THSD7A: variants seen among roughly 807,000 people sequenced by gnomAD.
THSD7A encodes thrombospondin type-1 domain-containing protein 7A.
THSD7A carries 96 observed loss-of-function variants against 231.3 expected under a neutral mutation model. The ratio of observed to expected loss-of-function variants is 0.41; its 90% CI spans 0.35 to 0.49. The LOEUF (loss-of-function observed/expected upper bound fraction) is 0.49, where lower values mean the gene tolerates loss of function less well. THSD7A is among the 20% of genes least tolerant of loss of function. The pLI, the probability that THSD7A is intolerant of heterozygous loss-of-function variation, is 0.05. For missense variants in THSD7A, 2,290 were observed against 2,070.2 expected, an observed-to-expected ratio of 1.11 and a Z score of -2.06; for synonymous variants, 940 against 743.3, an observed-to-expected ratio of 1.26 and a Z score of -4.30.
At chr7:11,416,714 G>A (rs1783972062) in intron 17 of THSD7A, among the ~76,000 whole-genome samples, 1 of 152,150 alleles carries the variant, frequency 6.6e-6, no homozygotes, top group Non-Finnish European at 1.5e-5. Context: ...TTTTGATGCT[G>A]TTTTTGAAAT....
At chr7:11,402,520 C>G (rs1783441221) in intron 22 of THSD7A, among the ~76,000 whole-genome samples, 1 of 152,174 alleles carries the variant, frequency 6.6e-6, no homozygotes, top group Non-Finnish European at 1.5e-5. Flanking sequence ...TTCCTCTGAT[C>G]TACATCCTCA....
chr7:11,829,003 G>A (rs1428490433), intron 1 of THSD7A, among the ~76,000 whole-genome samples: 1 of 152,006 alleles, frequency 6.6e-6, no homozygotes, highest in Non-Finnish European at 1.5e-5. Flanking sequence ...TTAATGAATA[G>A]TAAATATATT....
intron 23 of THSD7A, among the ~76,000 whole-genome samples, chr7:11,395,645 A>G (rs574868017): frequency 8.7e-4 from 132 of 151,364 alleles, no homozygotes; most frequent in African/African-American, 3.0e-3. Flanking sequence ...CTCCTGCCTC[A>G]GCCTCCCGAG....
Position 11,411,357 on chromosome 7 carries a change from T to G in THSD7A, c.3683-35A>C. ...AGGGAAGCCCATCAGAACAGAAGGC[T>G]AAGTAAGAAACAGATTTCAAATGAA... On this transcript the variant is annotated intron_variant, in intron 18 of 27. Coordinates refer to ENST00000423059, the MANE Select transcript of THSD7A (RefSeq NM_015204.3). The surrounding 1 kb of genome is among the most constrained non-coding windows in gnomAD (Gnocchi z 4.1). 6.9e-7 allele frequency: 1 copy of G among 1,439,052 alleles called. No individual in the cohort carries two copies. The highest frequency in any genetic ancestry group is 1.8e-5 in the Admixed American group (1 of 54,920). The allele number at this position is 1,439,052 out of a possible 1,614,324, so 89.1% of individuals were successfully genotyped here.
chr7:11,431,249 G>C (rs1465784286), intron 13 of THSD7A, among the ~76,000 whole-genome samples: 1 of 152,132 alleles, frequency 6.6e-6, no homozygotes, highest in Non-Finnish European at 1.5e-5. Flanking sequence ...TAGTGCTTTG[G>C]TATTATATCT....
At chr7:11,499,548 C>A (rs1432838295) in intron 6 of THSD7A, among the ~76,000 whole-genome samples, 5 of 152,082 alleles carry the variant, frequency 3.3e-5, no homozygotes, top group Non-Finnish European at 5.9e-5. Context: ...GGATGGCAAA[C>A]CCCAATCCAA....
At chr7:11,727,242 T>C (rs111876390) in intron 1 of THSD7A, among the ~76,000 whole-genome samples, 3,537 of 152,060 alleles carry the variant, frequency 0.023, 128 homozygotes, top group African/African-American at 0.078. Context: ...TATTCAATTT[T>C]GACTCTCTTA....
chr7:11,641,923 C>T (rs2128363741), intron 1 of THSD7A, among the ~76,000 whole-genome samples: 1 of 152,156 alleles, frequency 6.6e-6, no homozygotes, highest in South Asian at 2.1e-4. Context: ...GGGCTGTCTA[C>T]TTCTTCCCTC....
intron 2 of THSD7A, among the ~76,000 whole-genome samples, chr7:11,599,979 G>A (rs1205075875): frequency 2.0e-5 from 3 of 152,034 alleles, no homozygotes; most frequent in Non-Finnish European, 4.4e-5. Context: ...TCTTTCTCCT[G>A]TGATGGATGC....
chr7:11,545,837 A>T (rs899879055), intron 4 of THSD7A, among the ~76,000 whole-genome samples: 17 of 152,174 alleles, frequency 1.1e-4, no homozygotes, highest in African/African-American at 4.1e-4. Flanking sequence ...GCATGGCCAA[A>T]GATGTCCTTC....
chr7:11,510,719 C>G lies in THSD7A; in HGVS notation c.1823-28737G>C, dbSNP rs1248630608. 3.3e-5 allele frequency among the ~76,000 whole-genome samples: 5 copies of G among 152,136 alleles called. No homozygotes were observed. The South Asian group carries it at 8.3e-4, about 25-fold the overall frequency. ...TGCAAAAAAGGCCTTCGACAAAATT[C>G]AACAGCCCTTCATGCTAAAAACTCT... On this transcript the variant is annotated intron_variant, in intron 6 of 27. Transcript: ENST00000423059.
intron 2 of THSD7A, among the ~76,000 whole-genome samples, chr7:11,608,565 C>T (rs1005078650): frequency 2.0e-5 from 3 of 152,004 alleles, no homozygotes; most frequent in Non-Finnish European, 4.4e-5. Flanking sequence ...ACCTGGAGGT[C>T]CCAGTGATTA....
intron 1 of THSD7A, among the ~76,000 whole-genome samples, chr7:11,786,748 G>A (rs1346389398): frequency 3.2e-5 from 4 of 125,430 alleles, no homozygotes; most frequent in Non-Finnish European, 4.8e-5. Context: ...CTAAAACTTA[G>A]AGTATAATAA....
chr7:11,516,023 A>G (rs1788017009), intron 6 of THSD7A, among the ~76,000 whole-genome samples: 1 of 152,210 alleles, frequency 6.6e-6, no homozygotes, highest in Non-Finnish European at 1.5e-5. Flanking sequence ...TAAATATGAG[A>G]ACTTTTGGTT....
chr7:11,769,153 A>ATATATATTTTTTTTTTTTTT, intron 1 of THSD7A, among the ~76,000 whole-genome samples: 2 of 27,662 alleles, frequency 7.2e-5, no homozygotes, highest in African/African-American at 1.2e-4. Flanking sequence ...ATATATATAT[A>ATATATATTTTTTTTTTTTTT]TTTTTTTTTT....
At chr7:11,501,467 C>A (rs1024191484) in intron 6 of THSD7A, among the ~76,000 whole-genome samples, 9 of 152,108 alleles carry the variant, frequency 5.9e-5, no homozygotes, top group Non-Finnish European at 1.2e-4. Context: ...GAAATCAACA[C>A]AATGAAAATT....
chr7:11,447,564 T>C (rs1583759615), intron 11 of THSD7A, 140 bp from the exon 12 acceptor site: 1 of 654,700 alleles, frequency 1.5e-6, no homozygotes, highest in Non-Finnish European at 2.4e-6. Flanking sequence ...CTTATAGGAG[T>C]GTTTCTAATA....
At chr7:11,548,432 T>C (rs180987267) in intron 4 of THSD7A, among the ~76,000 whole-genome samples, 3 of 152,100 alleles carry the variant, frequency 2.0e-5, no homozygotes, top group Admixed American at 6.5e-5. Flanking sequence ...ACCATATATA[T>C]ATAAAGAAGA....
chr7:11,769,136 T>A (rs1241246665), intron 1 of THSD7A, among the ~76,000 whole-genome samples: 2 of 52,360 alleles, frequency 3.8e-5, no homozygotes, highest in Admixed American at 2.4e-4. Flanking sequence ...TATATATATA[T>A]ATATATATAT....
Sources: gnomAD v4.1 joint callset for allele counts (sites outside exome capture counted in the v4.1 genomes callset) on GRCh38, gnomAD v4.1.1 for gene constraint, Gnocchi (gnomAD v3.1) non-coding constraint, MANE v1.5 for transcripts, NCBI Gene and HGNC (gene_info 2026-07-23, HGNC 2026-07-21) for gene names.